PRELID3B: variants seen among roughly 807,000 people sequenced by gnomAD.
The protein encoded by PRELID3B is PRELI domain containing 3B.
In PRELID3B, 15 loss-of-function variants were observed where a neutral mutation model predicts 24.0. The observed-to-expected ratio is 0.63, with a 90% CI of 0.42 to 0.96. The LOEUF is 0.96. Ranked by LOEUF, PRELID3B falls within the 40% of genes least tolerant of loss-of-function variation. The pLI is 0.00. For synonymous variants in PRELID3B, 62 were observed against 76.0 expected (o/e 0.82, Z 0.96); for missense variants, 189 against 236.0 (o/e 0.80, Z 1.30).
chr20:59,042,642 CT>C, intron 1 of PRELID3B, 56 bp downstream of exon 1: 1 of 1,554,772 alleles, frequency 6.4e-7, no homozygotes, highest in African/African-American at 1.4e-5. Flanking sequence ...TGCCTCGCCT[CT>C]ACTCCAGGGC....
rs746402109 is a variant in PRELID3B at position 59,037,175 on chromosome 20, G to A, written c.291+16C>T. The A allele has an allele frequency of 1.3e-6, 2 of 1,588,234 alleles. No individual in the cohort carries two copies. The highest frequency in any genetic ancestry group is 1.7e-6 in the Non-Finnish European group (2 of 1,157,968). ...CCAGACAGTTCGAAATGAAACAAAAGGGAGCCAAGACTTACATTAGTAGAT... is the reference window on the plus strand; with the variant it reads ...CCAGACAGTTCGAAATGAAACAAAAAGGAGCCAAGACTTACATTAGTAGAT... On this transcript the variant is annotated intron_variant, in intron 3 of 5. Coordinates refer to ENST00000355937, the MANE Select transcript of PRELID3B (RefSeq NM_016045.3).
In PRELID3B at chr20:59,037,161, G is replaced by A. The variant is rs770507655; in HGVS notation, c.291+30C>T. ...GACAAAGAACTCAGCCAGACAGTTC[G>A]AAATGAAACAAAAGGGAGCCAAGAC... On this transcript the variant is annotated intron_variant, in intron 3 of 5. Transcript: ENST00000355937. The A allele has an allele frequency of 7.2e-6, 11 of 1,537,258 alleles. No homozygotes were observed. The African/African-American group carries it at 8.2e-5, about 11-fold the overall frequency.
At position 59,034,998 on chromosome 20, in the gene PRELID3B, C is replaced by T; in HGVS notation, c.*9G>A. On this transcript the variant is annotated 3_prime_UTR_variant, in exon 6 of 6. Transcript: ENST00000355937. ...TGGAGTACCCGATGTTGTCTACCAA[C>T]TGTCACGATCACTTCTCTGCAAACG... is the stretch of plus-strand genomic sequence containing the variant. The T allele has an allele frequency of 6.2e-7, 1 of 1,607,542 alleles. No homozygotes were observed. Among genetic ancestry groups the T allele is most frequent in the Non-Finnish European group, 8.5e-7 (1 of 1,176,804 alleles).
At chr20:59,036,948 A>G (rs1489301912) in intron 3 of PRELID3B, among the ~76,000 whole-genome samples, 188 bp from the exon 4 acceptor site, 2 of 152,238 alleles carry the variant, frequency 1.3e-5, no homozygotes, top group Non-Finnish European at 2.9e-5. Flanking sequence ...GAAATAAAGT[A>G]TAATAATGAT....
At chr20:59,039,485 A>T (rs1451205923) in intron 1 of PRELID3B, among the ~76,000 whole-genome samples, 5 of 152,236 alleles carry the variant, frequency 3.3e-5, no homozygotes, top group African/African-American at 1.2e-4. Flanking sequence ...TTGTACAAAA[A>T]ATATCATTTT....
Position 59,038,648 on chromosome 20 carries a change from C to T in PRELID3B, c.33-14G>A. The T allele has an allele frequency of 8.2e-7, 1 of 1,221,492 alleles. No individual in the cohort carries two copies. The allele number at this position is 1,221,492 out of a possible 1,614,324, so 75.7% of individuals were successfully genotyped here. A position where few individuals can be genotyped will look rare whatever the true frequency, so the allele number is the denominator to read the frequency against. ...TCCCACGGGTGGCTGCCGATGTGAA[C>T]CAAAAAAAAAAAAAAAAAAATTCAG... On this transcript the variant is annotated splice_polypyrimidine_tract_variant and intron_variant, in intron 1 of 5. Transcript: ENST00000355937.
chr20:59,037,613 A>T (rs2092083210), intron 2 of PRELID3B, among the ~76,000 whole-genome samples: 1 of 152,228 alleles, frequency 6.6e-6, no homozygotes, highest in Non-Finnish European at 1.5e-5. Context: ...GCAACATGGC[A>T]GCTAGAAAAA....
intron 1 of PRELID3B, among the ~76,000 whole-genome samples, chr20:59,041,997 A>C (rs376879341): frequency 7.9e-5 from 12 of 152,242 alleles, no homozygotes; most frequent in Admixed American, 7.9e-4. Context: ...GTTAGTAAAC[A>C]GTTCACATTA....
chr20:59,033,943 C>G lies in PRELID3B; in HGVS notation c.*1064G>C, dbSNP rs1386634046. ...CTCAGTGGTTAGTTTCAGGCCAAGC[C>G]TCCCCCTACCATTATGCTTGTTCTT... is the stretch of plus-strand genomic sequence containing the variant. On this transcript the variant is annotated 3_prime_UTR_variant, in exon 6 of 6. Transcript: ENST00000355937. The G allele has an allele frequency of 6.6e-6, 1 of 152,158 alleles. No individual in the cohort carries two copies. Among genetic ancestry groups the G allele is most frequent in the East Asian group, 1.9e-4 (1 of 5,206 alleles). The allele number at this position is 152,158 out of a possible 1,614,324, so 9.4% of individuals were successfully genotyped here. A position where few individuals can be genotyped will look rare whatever the true frequency, so the allele number is the denominator to read the frequency against.
At position 59,036,537 on chromosome 20, in the gene PRELID3B, T is replaced by C. The variant is rs767767385; in HGVS notation, c.399A>G (p.Lys133=). The change falls in exon 5 of 6, where the codon AAA becomes AAG. Residue 133 remains lysine, a synonymous_variant. Transcript: ENST00000355937. ...VLTQEAIITV[K]GVSLSSYLEG... ...CAAGGTAACTGCTGAGGCTAACTCCTTTCACGGTAATTATGGCTTCTTGTG... is the reference window on the plus strand; with the variant it reads ...CAAGGTAACTGCTGAGGCTAACTCCCTTCACGGTAATTATGGCTTCTTGTG... 4.3e-6 allele frequency: 7 copies of C among 1,614,084 alleles called. No individual in the cohort carries two copies. In the East Asian group the frequency reaches 1.3e-4, roughly 31 times the overall value.
rs1243822533 is a variant in PRELID3B at position 59,036,878 on chromosome 20, C to A, written c.292-118G>T. On this transcript the variant is annotated intron_variant, in intron 3 of 5. Coordinates refer to ENST00000355937, the MANE Select transcript of PRELID3B (RefSeq NM_016045.3). ...TAAACATACAAAACAACAAATAAAC[C>A]GCTGCTATTATTGCATAAACTATTC... 8.7e-6 allele frequency: 6 copies of A among 692,454 alleles called. No individual in the cohort carries two copies. In the South Asian group the frequency reaches 9.6e-5, roughly 11 times the overall value. The allele number at this position is 692,454 out of a possible 1,614,324, so 42.9% of individuals were successfully genotyped here. A position where few individuals can be genotyped will look rare whatever the true frequency, so the allele number is the denominator to read the frequency against.
At chr20:59,035,197 C>T (rs536016140) in intron 5 of PRELID3B, 71 bp from the exon 6 acceptor site, 7 of 1,407,630 alleles carry the variant, frequency 5.0e-6, no homozygotes, top group Non-Finnish European at 5.8e-6. Context: ...AATGACACAC[C>T]AGGAAGTAAC....
Position 59,034,052 on chromosome 20 carries a change from A to G in PRELID3B, c.*955T>C, listed in dbSNP as rs995157454. ...GATTTATGCCTCAGAGCAAGACATC[A>G]TTTGAGTAATTTCAAATGATACACA... On this transcript the variant is annotated 3_prime_UTR_variant, in exon 6 of 6. Coordinates refer to ENST00000355937, the MANE Select transcript of PRELID3B (RefSeq NM_016045.3). The G allele has an allele frequency of 3.3e-5, 5 of 152,254 alleles. No individual in the cohort carries two copies. Among genetic ancestry groups the G allele is most frequent in the African/African-American group, 4.8e-5 (2 of 41,468 alleles). 9.4% of individuals were successfully genotyped at this position (152,254 alleles called of 1,614,324 possible).
chr20:59,042,753 T>A lies in PRELID3B; in HGVS notation c.-23A>T. On this transcript the variant is annotated 5_prime_UTR_variant, in exon 1 of 6. Coordinates refer to ENST00000355937, the MANE Select transcript of PRELID3B (RefSeq NM_016045.3). ...CATGGTGCCGGCACCCTGAGAGATG[T>A]CCGGGTAGCGCCAGGGGACAACGAG... The A allele has an allele frequency of 6.3e-7, 1 of 1,597,928 alleles. No homozygotes were observed. The highest frequency in any genetic ancestry group is 1.1e-5 in the South Asian group (1 of 88,166).
rs574907750 is a variant in PRELID3B at position 59,034,405 on chromosome 20, T to C, written c.*602A>G. The C allele has an allele frequency of 3.1e-4, 48 of 152,796 alleles. No homozygotes were observed. The highest frequency in any genetic ancestry group is 4.1e-4 in the Non-Finnish European group (28 of 68,050). 9.5% of individuals were successfully genotyped at this position (152,796 alleles called of 1,614,324 possible). A position where few individuals can be genotyped will look rare whatever the true frequency, so the allele number is the denominator to read the frequency against. On this transcript the variant is annotated 3_prime_UTR_variant, in exon 6 of 6. Transcript: ENST00000355937. ...AAACTTGGGCAAATCAATACAGTAC[T>C]CTTTTATAATGAAACCATACTTTTG...
Position 59,035,214 on chromosome 20 carries a change from C to T in PRELID3B, c.466-88G>A, listed in dbSNP as rs931929636. On this transcript the variant is annotated intron_variant, in intron 5 of 5. Coordinates refer to ENST00000355937, the MANE Select transcript of PRELID3B (RefSeq NM_016045.3). ...TGACACACCAGGAAGTAACAAGGGG[C>T]GTGACAAGTTTAACTCAATCTCAGG... is the stretch of plus-strand genomic sequence containing the variant. 1.2e-4 allele frequency: 151 copies of T among 1,268,024 alleles called. 1 individual carries two copies. The highest frequency in any genetic ancestry group is 1.4e-4 in the Non-Finnish European group (131 of 930,622). 78.5% of individuals were successfully genotyped at this position (1,268,024 alleles called of 1,614,324 possible). A position where few individuals can be genotyped will look rare whatever the true frequency, so the allele number is the denominator to read the frequency against.
chr20:59,041,390 T>G (rs1048038676), intron 1 of PRELID3B, among the ~76,000 whole-genome samples: 2 of 152,184 alleles, frequency 1.3e-5, no homozygotes. Flanking sequence ...TGTGTCCCAC[T>G]GAGTACAAAT....
rs2092078424 is a variant in PRELID3B at position 59,037,078 on chromosome 20, AGGGATTCTC to A, written c.291+104_291+112del. The A allele has an allele frequency of 6.3e-6, 5 of 790,046 alleles. No individual in the cohort carries two copies. The Admixed American group carries it at 9.0e-5, about 14-fold the overall frequency. The allele number at this position is 790,046 out of a possible 1,614,324, so 48.9% of individuals were successfully genotyped here. ...GGCCAAGTTAGGCCAGCACATAAGC[AGGGATTCTC>A]TGAACCACATCATGAACACGCACTC... On this transcript the variant is annotated intron_variant, in intron 3 of 5. Transcript: ENST00000355937.
At chr20:59,035,599 TC>T (rs1042734144) in intron 5 of PRELID3B, among the ~76,000 whole-genome samples, 8 of 152,178 alleles carry the variant, frequency 5.3e-5, no homozygotes, top group Admixed American at 1.3e-4. Flanking sequence ...ACGCAGCTCC[TC>T]CACCTAGAAC....
Sources: allele counts gnomAD v4.1 joint callset (sites outside exome capture counted in the v4.1 genomes callset), GRCh38; gene constraint gnomAD v4.1.1; transcripts MANE v1.5; gene names NCBI Gene and HGNC (gene_info 2026-07-23, HGNC 2026-07-21).